FGFR2: variants seen among roughly 807,000 people sequenced by gnomAD.
The protein encoded by FGFR2 is fibroblast growth factor receptor 2, also known as BEK fibroblast growth factor receptor.
FGFR2 carries 19 observed loss-of-function variants against 95.9 expected under a neutral mutation model. The ratio of observed to expected loss-of-function variants is 0.20; its 90% CI spans 0.14 to 0.29. The LOEUF (loss-of-function observed/expected upper bound fraction) is 0.29. Ranked by LOEUF, FGFR2 falls within the 10% of genes least tolerant of loss-of-function variation. The probability of loss-of-function intolerance (pLI) is 1.00; values close to 1 mark genes in which losing one functional copy is unlikely to be tolerated. For missense variants in FGFR2, 707 were observed against 1,056.9 expected, an observed-to-expected ratio of 0.67 and a Z score of 4.59; for synonymous variants, 392 against 393.3, an observed-to-expected ratio of 1.00 and a Z score of 0.04.
At chr10:121,570,995 C>CTT (rs397845871) in intron 2 of FGFR2, among the ~76,000 whole-genome samples, 39 of 147,242 alleles carry the variant, frequency 2.6e-4, no homozygotes, top group African/African-American at 6.4e-4. Context: ...CCTTTTTTTT[C>CTT]TTTTTTTTTT....
rs1844443457 is a variant in FGFR2, at chr10:121,479,859, A to G, written c.2464T>C (p.Ter822ArgextTer41). ...YPHINGSVKT[*>R] ...TGGGGACAGGCAGACACAGTCATTC[A>G]TGTTTTAACACTGCCGTTTATGTGT... Residue 822 changes from the stop codon to arginine, a stop_lost, in exon 18 of 18, where the codon TGA (stop) becomes CGA (arginine). Transcript: ENST00000358487. The G allele has an allele frequency of 6.2e-7, 1 of 1,614,154 alleles. No individual in the cohort carries two copies. Among genetic ancestry groups the G allele is most frequent in the Non-Finnish European group, 8.5e-7 (1 of 1,180,028 alleles).
At chr10:121,515,021 C>G in intron 9 of FGFR2, 96 bp downstream of exon 9, 1 of 1,187,458 alleles carries the variant, frequency 8.4e-7, no homozygotes, top group Non-Finnish European at 1.2e-6. Context: ...CATGGAAGCT[C>G]ACAGAAGTCG....
chr10:121,478,527 C>G lies in FGFR2; in HGVS notation c.*1330G>C, dbSNP rs1844291441. ...GAGTGGGTGTTTCCAAAGCAAAACACAATACTTTAGTACAGAAGGAACAAC... is the reference window on the plus strand; with the variant it reads ...GAGTGGGTGTTTCCAAAGCAAAACAGAATACTTTAGTACAGAAGGAACAAC... On this transcript the variant is annotated 3_prime_UTR_variant, in exon 18 of 18. Transcript: ENST00000358487. 4.3e-6 allele frequency: 1 copy of G among 232,974 alleles called. No individual in the cohort carries two copies. The highest frequency in any genetic ancestry group is 8.5e-6 in the Non-Finnish European group (1 of 117,826). The allele number at this position is 232,974 out of a possible 1,614,324, so 14.4% of individuals were successfully genotyped here.
chr10:121,593,854 C>A lies in FGFR2; in HGVS notation c.-37G>T, dbSNP rs757197396. The A allele has an allele frequency of 1.3e-6, 2 of 1,553,312 alleles. No homozygotes were observed. The highest frequency in any genetic ancestry group is 1.8e-6 in the Non-Finnish European group (2 of 1,124,548). Reference sequence around the variant, plus strand: ...CAATCCCCGGTCCTCTTCCATATCTCCATGTGGACGTTAATCCCATCTGCA... The same window carrying A: ...CAATCCCCGGTCCTCTTCCATATCTACATGTGGACGTTAATCCCATCTGCA... On this transcript the variant is annotated 5_prime_UTR_variant, in exon 2 of 18. It introduces an in-frame stop codon into an upstream open reading frame of the 5' UTR. Transcript: ENST00000358487.
intron 5 of FGFR2, among the ~76,000 whole-genome samples, chr10:121,547,909 GT>G (rs1049245170): frequency 7.9e-5 from 12 of 152,326 alleles, no homozygotes; most frequent in African/African-American, 2.2e-4. Context: ...AGGACCTGGG[GT>G]TGGCTTAACA....
intron 4 of FGFR2, among the ~76,000 whole-genome samples, chr10:121,559,993 A>C (rs777953452): frequency 6.6e-6 from 1 of 152,108 alleles, no homozygotes; most frequent in Admixed American, 6.6e-5. Context: ...GCATCCAAAA[A>C]CCAAGCTGAC....
At chr10:121,557,120 C>G (rs559046503) in intron 4 of FGFR2, among the ~76,000 whole-genome samples, 1 of 152,196 alleles carries the variant, frequency 6.6e-6, no homozygotes, top group Non-Finnish European at 1.5e-5. Flanking sequence ...AGCAAGTTAA[C>G]CACAAGTGAA....
rs2134261224 is a variant in FGFR2, at chr10:121,517,469, A to G, written c.940-6T>C. The G allele has an allele frequency of 1.9e-6, 3 of 1,614,178 alleles. No homozygotes were observed. Among genetic ancestry groups the G allele is most frequent in the Non-Finnish European group, 2.5e-6 (3 of 1,180,022 alleles). The stretch of plus-strand genomic sequence containing the variant: ...GTGGTGTTAACACCGGCGGCCTAGA[A>G]AACAAGGGAAGCAAAAGAAAAGGCT... On this transcript the variant is annotated splice_polypyrimidine_tract_variant and splice_region_variant and intron_variant, in intron 7 of 17. Coordinates refer to ENST00000358487, the MANE Select transcript of FGFR2 (RefSeq NM_000141.5). This position sits in a 1 kb window ranked among gnomAD's most constrained non-coding sequence, Gnocchi z 4.7.
intron 10 of FGFR2, among the ~76,000 whole-genome samples, chr10:121,502,641 A>T (rs1348331516): frequency 6.6e-6 from 1 of 152,234 alleles, no homozygotes; most frequent in Non-Finnish European, 1.5e-5. Flanking sequence ...AAATGTGTAT[A>T]GGTACACATG....
At chr10:121,524,101 TACACACACACACACAC>T (rs61527395) in intron 6 of FGFR2, among the ~76,000 whole-genome samples, 115 of 89,208 alleles carry the variant, frequency 1.3e-3, no homozygotes, top group African/African-American at 3.9e-3. Context: ...CGGCTATGTA[TACACACACACACACAC>T]ACACACACAC....
chr10:121,483,555 G>A, intron 17 of FGFR2, 143 bp downstream of exon 17: 1 of 677,630 alleles, frequency 1.5e-6, no homozygotes, highest in South Asian at 1.7e-5. Context: ...GGAACCCATA[G>A]TTGAACTATC....
chr10:121,552,416 T>A (rs892059981), intron 4 of FGFR2, among the ~76,000 whole-genome samples: 2 of 152,312 alleles, frequency 1.3e-5, no homozygotes, highest in South Asian at 2.1e-4. Context: ...ATCTTCACAA[T>A]GCTTCAACAA....
At chr10:121,553,275 A>C (rs1397591603) in intron 4 of FGFR2, among the ~76,000 whole-genome samples, 1 of 152,184 alleles carries the variant, frequency 6.6e-6, no homozygotes. Flanking sequence ...AGAAAGAAGG[A>C]ACAGGGGCTG....
chr10:121,516,552 CCA>C (rs1377174021), intron 8 of FGFR2, among the ~76,000 whole-genome samples: 1 of 152,106 alleles, frequency 6.6e-6, no homozygotes, highest in African/African-American at 2.4e-5. Context: ...AGCTAGCAAA[CCA>C]CAGTCTCTGC....
At chr10:121,502,547 G>A (rs41295605) in intron 10 of FGFR2, among the ~76,000 whole-genome samples, 3,895 of 152,268 alleles carry the variant, frequency 0.026, 68 homozygotes, top group Middle Eastern at 0.058. Flanking sequence ...ATCAAAATCA[G>A]AAGTGCCAGC....
chr10:121,497,548 A>G (rs747602986), intron 12 of FGFR2, among the ~76,000 whole-genome samples: 4 of 152,210 alleles, frequency 2.6e-5, no homozygotes, highest in African/African-American at 4.8e-5. Context: ...CACTTTATTT[A>G]TCCATTCCCT....
Position 121,531,800 on chromosome 10 carries a change from G to A in FGFR2, c.748+6792C>T, listed in dbSNP as rs1852110025. On this transcript the variant is annotated intron_variant, in intron 6 of 17. Coordinates refer to ENST00000358487, the MANE Select transcript of FGFR2 (RefSeq NM_000141.5). This position sits in a 1 kb window ranked among gnomAD's most constrained non-coding sequence, Gnocchi z 4.5. The stretch of plus-strand genomic sequence containing the variant: ...CCTGAACCTCCAGAGAGGGCATCTG[G>A]CACAGAGTAGAGACCCTTAGGGGTT... Among the ~76,000 whole-genome samples, 1 of 152,104 alleles carries A rather than the reference G, an allele frequency of 6.6e-6. No individual in the cohort carries two copies. The highest frequency in any genetic ancestry group is 2.1e-4 in the South Asian group (1 of 4,824).
chr10:121,517,741 C>T lies in FGFR2; in HGVS notation c.940-278G>A, dbSNP rs1251326989. Among the ~76,000 whole-genome samples, 1 of 152,086 alleles carries T rather than the reference C, an allele frequency of 6.6e-6. No homozygotes were observed. Among genetic ancestry groups the T allele is most frequent in the Admixed American group, 6.6e-5 (1 of 15,264 alleles). On this transcript the variant is annotated intron_variant, in intron 7 of 17. Coordinates refer to ENST00000358487, the MANE Select transcript of FGFR2 (RefSeq NM_000141.5). This position sits in a 1 kb window ranked among gnomAD's most constrained non-coding sequence, Gnocchi z 4.7. ...AACCCACAGAGGTCCGTTCTCTTGGCCTGTGCTTTGGTTTGCATTTAGGGG... is the reference window on the plus strand; with the variant it reads ...AACCCACAGAGGTCCGTTCTCTTGGTCTGTGCTTTGGTTTGCATTTAGGGG...
At chr10:121,526,263 G>A (rs1192584433) in intron 6 of FGFR2, 2 of 398,470 alleles carry the variant, frequency 5.0e-6, no homozygotes, top group Non-Finnish European at 4.4e-6. Flanking sequence ...TTTTTCTAAA[G>A]CCTGCCTAGC....
Sources: allele counts gnomAD v4.1 joint callset (sites outside exome capture counted in the v4.1 genomes callset), GRCh38; gene constraint gnomAD v4.1.1; non-coding constraint Gnocchi (gnomAD v3.1); transcripts MANE v1.5; gene names NCBI Gene and HGNC (gene_info 2026-07-23, HGNC 2026-07-21).